Variants in SUCLG2 observed in about 807,000 individuals in gnomAD.
The protein encoded by SUCLG2 is succinate-CoA ligase GDP-forming subunit beta.
Under a neutral mutation model 47.9 loss-of-function variants are expected in SUCLG2, and 42 were observed. That is an observed-to-expected ratio of 0.88 (90% CI 0.69 to 1.14). SUCLG2 has a LOEUF of 1.14. SUCLG2 is among the 50% of genes most tolerant of loss of function. The pLI is 0.00. For synonymous variants in SUCLG2, 195 were observed against 197.3 expected, an observed-to-expected ratio of 0.99 and a Z score of 0.10; for missense variants, 571 against 525.9, an observed-to-expected ratio of 1.09 and a Z score of -0.84.
chr3:67,565,231 C>A (rs1033228259), intron 2 of SUCLG2, among the ~76,000 whole-genome samples: 1 of 152,150 alleles, frequency 6.6e-6, no homozygotes, highest in African/African-American at 2.4e-5. Context: ...TCATTCCACA[C>A]AAATAATTTC....
chr3:67,588,971 C>T (rs1456820420), intron 2 of SUCLG2, among the ~76,000 whole-genome samples: 1 of 152,198 alleles, frequency 6.6e-6, no homozygotes, highest in Non-Finnish European at 1.5e-5. Flanking sequence ...AAGCCCCTTA[C>T]AGGGTCTACA....
chr3:67,631,776 G>C (rs1006791077), intron 1 of SUCLG2, among the ~76,000 whole-genome samples: 1 of 152,200 alleles, frequency 6.6e-6, no homozygotes, highest in African/African-American at 2.4e-5. Context: ...GACTATGATG[G>C]TCTCAAAGGC....
At chr3:67,564,748 T>C (rs1707406645) in intron 2 of SUCLG2, among the ~76,000 whole-genome samples, 1 of 152,232 alleles carries the variant, frequency 6.6e-6, no homozygotes, top group Non-Finnish European at 1.5e-5. Context: ...TAGTGTGTTT[T>C]ATATGTGGCC....
intron 10 of SUCLG2, among the ~76,000 whole-genome samples, chr3:67,365,713 T>G (rs1016595953): frequency 2.0e-5 from 3 of 152,210 alleles, no homozygotes; most frequent in Admixed American, 2.0e-4. Context: ...CAATTTTAAG[T>G]TGAAATCTTA....
At chr3:67,461,268 C>T (rs1704325523) in intron 9 of SUCLG2, among the ~76,000 whole-genome samples, 1 of 152,156 alleles carries the variant, frequency 6.6e-6, no homozygotes, top group African/African-American at 2.4e-5. Context: ...GGGTTCTCAA[C>T]ATTAACAGTG....
intron 6 of SUCLG2, among the ~76,000 whole-genome samples, chr3:67,517,777 TTATTAA>T (rs1705985780): frequency 1.3e-5 from 2 of 152,350 alleles, no homozygotes; most frequent in East Asian, 3.9e-4. Flanking sequence ...ATAACATGTA[TTATTAA>T]TATTAATACC....
intron 1 of SUCLG2, among the ~76,000 whole-genome samples, chr3:67,617,347 C>T (rs1372860961): frequency 6.6e-6 from 1 of 152,122 alleles, no homozygotes; most frequent in Non-Finnish European, 1.5e-5. Context: ...AGCATGAAAA[C>T]ATGCTACAGA....
intron 2 of SUCLG2, among the ~76,000 whole-genome samples, chr3:67,560,265 T>C (rs567043430): frequency 1.2e-4 from 19 of 152,142 alleles, no homozygotes; most frequent in Non-Finnish European, 2.8e-4. Flanking sequence ...TAGTATCTTT[T>C]AAAAAATGAG....
intron 2 of SUCLG2, among the ~76,000 whole-genome samples, chr3:67,542,891 A>G (rs931352064): frequency 2.6e-5 from 4 of 152,194 alleles, no homozygotes; most frequent in African/African-American, 9.7e-5. Context: ...TTAACATCCC[A>G]CTGTCAATAT....
At chr3:67,604,286 A>C (rs1382187948) in intron 2 of SUCLG2, among the ~76,000 whole-genome samples, 1 of 152,234 alleles carries the variant, frequency 6.6e-6, no homozygotes, top group African/African-American at 2.4e-5. Context: ...TGCAGATTGC[A>C]GTTTCTATAT....
intron 2 of SUCLG2, among the ~76,000 whole-genome samples, chr3:67,607,488 A>G (rs1392615262): frequency 6.6e-6 from 1 of 152,102 alleles, no homozygotes; most frequent in Non-Finnish European, 1.5e-5. Context: ...CGTGGCTCAC[A>G]TTATACTCCT....
chr3:67,431,405 C>G (rs934477081), intron 9 of SUCLG2, among the ~76,000 whole-genome samples: 10 of 152,094 alleles, frequency 6.6e-5, no homozygotes, highest in African/African-American at 2.4e-4. Context: ...ATTCAACACC[C>G]CTTCATGCTA....
intron 10 of SUCLG2, among the ~76,000 whole-genome samples, chr3:67,382,412 A>G (rs1702178862): frequency 1.3e-5 from 2 of 152,176 alleles, no homozygotes; most frequent in African/African-American, 4.8e-5. Flanking sequence ...ACTAGAGGAA[A>G]ATGAGGCCCA....
chr3:67,388,147 G>T (rs1383551925), intron 10 of SUCLG2, among the ~76,000 whole-genome samples: 1 of 152,172 alleles, frequency 6.6e-6, no homozygotes, highest in African/African-American at 2.4e-5. Flanking sequence ...ACTGTATCAT[G>T]AAGGAATTGA....
chr3:67,428,952 G>GA (rs1315846786), intron 9 of SUCLG2, among the ~76,000 whole-genome samples: 2 of 152,200 alleles, frequency 1.3e-5, no homozygotes, highest in South Asian at 2.1e-4. Context: ...GGGACTATGT[G>GA]AAAAGACCAA....
chr3:67,449,554 C>CTTT (rs67128516), intron 9 of SUCLG2, among the ~76,000 whole-genome samples: 2,418 of 147,958 alleles, frequency 0.016, 70 homozygotes, highest in African/African-American at 0.056. Flanking sequence ...ATACCTCTGC[C>CTTT]TTTTTTTTTT....
chr3:67,485,626 A>G (rs184072179), intron 9 of SUCLG2, among the ~76,000 whole-genome samples: 4 of 152,354 alleles, frequency 2.6e-5, no homozygotes, highest in African/African-American at 9.6e-5. Context: ...TAGTGGTTGT[A>G]TTACAGGAAT....
chr3:67,416,471 A>G (rs1370902962), intron 9 of SUCLG2, among the ~76,000 whole-genome samples: 1 of 152,174 alleles, frequency 6.6e-6, no homozygotes, highest in Non-Finnish European at 1.5e-5. Context: ...CACTATAATA[A>G]TACTGCTTTG....
chr3:67,396,958 G>C (rs1382467654), intron 10 of SUCLG2, among the ~76,000 whole-genome samples: 3 of 151,968 alleles, frequency 2.0e-5, no homozygotes, highest in East Asian at 1.9e-4. Context: ...AAAGGCCTTT[G>C]ACAAAATTCA....
Sources: gnomAD v4.1 joint callset for allele counts (sites outside exome capture counted in the v4.1 genomes callset) on GRCh38, gnomAD v4.1.1 for gene constraint, MANE v1.5 for transcripts, NCBI Gene and HGNC (gene_info 2026-07-23, HGNC 2026-07-21) for gene names.